Variants in ADGRL3 observed in about 807,000 individuals in gnomAD.
ADGRL3 encodes the protein adhesion G protein-coupled receptor L3.
In ADGRL3, 62 loss-of-function variants were observed where a neutral mutation model predicts 153.5. That is an observed-to-expected ratio of 0.40 (90% CI 0.33 to 0.50). The LOEUF (loss-of-function observed/expected upper bound fraction) is 0.50, where lower values mean the gene tolerates loss of function less well. Among genes scored for constraint, ADGRL3 ranks in the 20% least tolerant of loss-of-function variants. The pLI, the probability that ADGRL3 is intolerant of heterozygous loss-of-function variation, is 0.47. For missense variants in ADGRL3, 1,641 were observed against 1,859.4 expected (o/e 0.88, Z 2.16); for synonymous variants, 710 against 672.5 (o/e 1.06, Z -0.86).
chr4:61,965,383 A>G (rs1171201900), intron 17 of ADGRL3, among the ~76,000 whole-genome samples: 3 of 152,166 alleles, frequency 2.0e-5, no homozygotes, highest in African/African-American at 7.2e-5. Flanking sequence ...GAATTAGGCT[A>G]GGTTTTCCAG....
At chr4:61,913,631 T>C (rs1581433719) in intron 13 of ADGRL3, among the ~76,000 whole-genome samples, 1 of 151,824 alleles carries the variant, frequency 6.6e-6, no homozygotes, top group Non-Finnish European at 1.5e-5. Flanking sequence ...AGGTGTTTAC[T>C]TTTTTTAACC....
intron 2 of ADGRL3, among the ~76,000 whole-genome samples, chr4:61,425,622 G>A (rs12501683): frequency 0.46 from 69,851 of 152,134 alleles, 17,307 homozygotes; most frequent in East Asian, 0.81. Context: ...CTTCTGCCCA[G>A]GGTGGTGCTC....
chr4:61,459,287 G>C (rs1385841302), intron 2 of ADGRL3, among the ~76,000 whole-genome samples: 1 of 151,888 alleles, frequency 6.6e-6, no homozygotes, highest in Non-Finnish European at 1.5e-5. Context: ...CTCCTGGAAT[G>C]TGTATATTCT....
At chr4:62,032,155 G>C (rs1487972008) in intron 23 of ADGRL3, among the ~76,000 whole-genome samples, 1 of 151,144 alleles carries the variant, frequency 6.6e-6, no homozygotes. Flanking sequence ...AGTTAATAAT[G>C]GTATCTATAT....
At chr4:61,759,959 A>G (rs541768228) in intron 8 of ADGRL3, among the ~76,000 whole-genome samples, 2 of 152,294 alleles carry the variant, frequency 1.3e-5, no homozygotes, top group South Asian at 4.1e-4. Flanking sequence ...TTGCCTGGGT[A>G]TCAGCAGCGG....
chr4:61,677,015 T>C, intron 6 of ADGRL3, 80 bp downstream of exon 6: 1 of 910,040 alleles, frequency 1.1e-6, no homozygotes, highest in Admixed American at 2.1e-5. Flanking sequence ...ATATTCTCTA[T>C]GAAAACATAA....
chr4:61,232,913 T>TA (rs953932288), intron 1 of ADGRL3, among the ~76,000 whole-genome samples: 60 of 152,286 alleles, frequency 3.9e-4, no homozygotes, highest in Admixed American at 2.0e-3. Flanking sequence ...GACTTTGACT[T>TA]ACCCAACATT....
intron 1 of ADGRL3, among the ~76,000 whole-genome samples, chr4:61,255,428 ACTTGGCAATTGC>A (rs1260492556): frequency 6.6e-6 from 1 of 152,158 alleles, no homozygotes; most frequent in Admixed American, 6.5e-5. Flanking sequence ...TCATGAGTGA[ACTTGGCAATTGC>A]CTTGTTAAAA....
chr4:61,388,954 A>G (rs1045342664), intron 2 of ADGRL3, among the ~76,000 whole-genome samples: 1 of 152,220 alleles, frequency 6.6e-6, no homozygotes, highest in Non-Finnish European at 1.5e-5. Flanking sequence ...TCCAGAGCAT[A>G]CATTACCACA....
intron 2 of ADGRL3, among the ~76,000 whole-genome samples, chr4:61,429,342 G>A (rs2097327247): frequency 6.6e-6 from 1 of 152,088 alleles, no homozygotes; most frequent in Admixed American, 6.6e-5. Context: ...AGAAAAGAAA[G>A]GTGGGTAGAA....
chr4:61,215,467 T>C (rs1699361985), intron 1 of ADGRL3, among the ~76,000 whole-genome samples: 1 of 151,942 alleles, frequency 6.6e-6, no homozygotes, highest in Non-Finnish European at 1.5e-5. Flanking sequence ...CTTAAAAATA[T>C]ATTGTCAAGA....
intron 5 of ADGRL3, among the ~76,000 whole-genome samples, chr4:61,597,315 G>A (rs969046043): frequency 1.3e-4 from 20 of 152,048 alleles, no homozygotes; most frequent in African/African-American, 4.6e-4. Context: ...TAGTTGTTAC[G>A]AAAGGAGACT....
At chr4:62,034,937 C>G (rs1271937905) in intron 23 of ADGRL3, among the ~76,000 whole-genome samples, 1 of 151,750 alleles carries the variant, frequency 6.6e-6, no homozygotes, top group Non-Finnish European at 1.5e-5. Flanking sequence ...TATTCTCTTT[C>G]CTGTCTTCTA....
chr4:61,847,588 A>G (rs1368255887), intron 9 of ADGRL3, among the ~76,000 whole-genome samples: 2 of 99,606 alleles, frequency 2.0e-5, no homozygotes, highest in African/African-American at 8.2e-5. Context: ...GTGTGTGTGT[A>G]TATATATATA....
intron 13 of ADGRL3, among the ~76,000 whole-genome samples, chr4:61,916,682 A>C (rs2098746580): frequency 6.6e-6 from 1 of 152,124 alleles, no homozygotes; most frequent in Admixed American, 6.6e-5. Context: ...TATTAAGAAT[A>C]AATTAATTTC....
intron 1 of ADGRL3, among the ~76,000 whole-genome samples, chr4:61,258,851 T>C (rs1220603233): frequency 1.3e-5 from 2 of 152,274 alleles, no homozygotes; most frequent in Middle Eastern, 3.4e-3. Context: ...ATAACCTACT[T>C]CTAGGAAGTA....
intron 2 of ADGRL3, among the ~76,000 whole-genome samples, chr4:61,460,215 A>C (rs543210444): frequency 6.6e-6 from 1 of 152,264 alleles, no homozygotes; most frequent in East Asian, 1.9e-4. Flanking sequence ...TTTGGATCTT[A>C]CATTTAAGTC....
chr4:61,984,370 G>C (rs2099078507), intron 19 of ADGRL3, among the ~76,000 whole-genome samples: 1 of 152,104 alleles, frequency 6.6e-6, no homozygotes, highest in Non-Finnish European at 1.5e-5. Flanking sequence ...ATGAGGTTTA[G>C]ATTCAAGGCA....
chr4:62,031,073 C>T lies in ADGRL3; in HGVS notation c.3423-369C>T, dbSNP rs146855463. ...CACTAATAGAGGGAAATCAATCAAACAAATGTTACCACTGTGAGACCAGTG... is the reference window on the plus strand; with the variant it reads ...CACTAATAGAGGGAAATCAATCAAATAAATGTTACCACTGTGAGACCAGTG... On this transcript the variant is annotated intron_variant, in intron 22 of 26. Coordinates refer to ENST00000683033, the MANE Select transcript of ADGRL3 (RefSeq NM_001387552.1). Among the ~76,000 whole-genome samples the T allele has an allele frequency of 2.6e-3, 399 of 151,616 alleles. 2 individuals carry two copies. The highest frequency in any genetic ancestry group is 9.3e-3 in the African/African-American group (387 of 41,506).
Sources: allele counts gnomAD v4.1 joint callset (sites outside exome capture counted in the v4.1 genomes callset), GRCh38; gene constraint gnomAD v4.1.1; transcripts MANE v1.5; gene names NCBI Gene and HGNC (gene_info 2026-07-23, HGNC 2026-07-21).